TRAFD1: variants seen among roughly 807,000 people sequenced by gnomAD.
The protein encoded by TRAFD1 is TRAF-type zinc finger domain-containing protein 1.
TRAFD1 carries 38 observed loss-of-function variants against 65.3 expected under a neutral mutation model. The observed-to-expected ratio is 0.58, with a 90% CI of 0.45 to 0.76. The LOEUF is 0.76. Among genes scored for constraint, TRAFD1 ranks in the 30% least tolerant of loss-of-function variants. The pLI, the probability that TRAFD1 is intolerant of heterozygous loss-of-function variation, is 0.00. For missense variants in TRAFD1, 631 were observed against 712.6 expected, an observed-to-expected ratio of 0.89 and a Z score of 1.30; for synonymous variants, 223 against 257.2, an observed-to-expected ratio of 0.87 and a Z score of 1.27.
At chr12:112,133,188 G>T (rs1490169750) in intron 2 of TRAFD1, 1 of 152,190 alleles carries the variant, frequency 6.6e-6, no homozygotes, top group Non-Finnish European at 1.5e-5. Flanking sequence ...AGGCAAAAAT[G>T]AAGTGGAGAG....
At chr12:112,135,522 C>T (rs1487004720) in intron 4 of TRAFD1, among the ~76,000 whole-genome samples, 1 of 151,650 alleles carries the variant, frequency 6.6e-6, no homozygotes, top group African/African-American at 2.4e-5. Context: ...CAACCTCTGC[C>T]TCCCAGGTTC....
chr12:112,128,386 C>T (rs1472772764), intron 1 of TRAFD1, among the ~76,000 whole-genome samples: 5 of 152,274 alleles, frequency 3.3e-5, no homozygotes, highest in African/African-American at 7.2e-5. Context: ...TTGATAATGC[C>T]AAAACCTTTA....
In TRAFD1 at chr12:112,152,981, G is replaced by A. The variant is rs879129930; in HGVS notation, c.*190G>A. Reference sequence around the variant, plus strand: ...TTTGGGTTTGAGGGAAGGGAGCAGGGTGGCGGTTGAGGAACGCTTCAGCCT... The same window carrying A: ...TTTGGGTTTGAGGGAAGGGAGCAGGATGGCGGTTGAGGAACGCTTCAGCCT... On this transcript the variant is annotated 3_prime_UTR_variant, in exon 12 of 12. Transcript: ENST00000412615. The surrounding 1 kb of genome is among the most constrained non-coding windows in gnomAD (Gnocchi z 5.0). 58 of 603,812 alleles carry A rather than the reference G, an allele frequency of 9.6e-5. 1 individual carries two copies. The South Asian group carries it at 1.3e-3, about 13-fold the overall frequency. The allele number at this position is 603,812 out of a possible 1,614,324, so 37.4% of individuals were successfully genotyped here.
At chr12:112,147,320 A>G (rs982713786) in intron 7 of TRAFD1, among the ~76,000 whole-genome samples, 1 of 152,078 alleles carries the variant, frequency 6.6e-6, no homozygotes, top group African/African-American at 2.4e-5. Flanking sequence ...TTGTTCCCTC[A>G]ATACTCTGAT....
In TRAFD1 at chr12:112,152,307, G is replaced by A. The variant is rs1018948347; in HGVS notation, c.1620-120G>A. 1 of 1,453,708 alleles carries A rather than the reference G, an allele frequency of 6.9e-7. No individual in the cohort carries two copies. The highest frequency in any genetic ancestry group is 9.4e-7 in the Non-Finnish European group (1 of 1,068,188). The allele number at this position is 1,453,708 out of a possible 1,614,324, so 90.1% of individuals were successfully genotyped here. ...CACCTGACTCCAAAAAAATTATTTT[G>A]TGGCCTATGGGTTTTTTGGGGTTTG... On this transcript the variant is annotated intron_variant, in intron 10 of 11. Transcript: ENST00000412615. The surrounding 1 kb of genome is among the most constrained non-coding windows in gnomAD (Gnocchi z 5.0).
At chr12:112,145,538 A>G (rs747154255) in intron 6 of TRAFD1, 48 bp from the exon 7 acceptor site, 34 of 1,588,406 alleles carry the variant, frequency 2.1e-5, no homozygotes, top group Admixed American at 1.2e-4. Context: ...GTTAAATTCA[A>G]GTTTGTTTTT....
Position 112,148,185 on chromosome 12 carries a change from A to G in TRAFD1, c.1039A>G (p.Ser347Gly), listed in dbSNP as rs1566051438. ...IFQNFLQQAA[S>G]NQLDSLMGLS... is the part of the protein sequence containing the mutation. ...CCAGAACTTCTTGCAACAGGCTGCA[A>G]GTAACCAGTTAGACTCTTTGATGGG... The change falls in exon 8 of 12, where the codon AGT (serine) becomes GGT (glycine). Residue 347 changes from serine (S) to glycine (G), a missense_variant. Physicochemically the swap from Ser to Gly is moderately conservative, Grantham distance 56. Coordinates refer to ENST00000412615, the MANE Select transcript of TRAFD1 (RefSeq NM_006700.3). 1.2e-6 allele frequency: 2 copies of G among 1,614,098 alleles called. No individual in the cohort carries two copies. The highest frequency in any genetic ancestry group is 1.7e-6 in the Non-Finnish European group (2 of 1,180,038).
In TRAFD1 at chr12:112,141,157, T is replaced by G. The variant is rs767312226; in HGVS notation, c.576T>G (p.Asp192Glu). The change falls in exon 5 of 12, where the codon GAT (aspartate) becomes GAG (glutamate). Residue 192 changes from aspartate (D) to glutamate (E), a missense_variant. Asp to Glu is a conservative substitution (Grantham distance 45, BLOSUM62 2). Coordinates refer to ENST00000412615, the MANE Select transcript of TRAFD1 (RefSeq NM_006700.3). ...GGCCCCTGAGAGCCTTTGAATCAGA[T>G]GTTTTCCACAATAGAACTACCAACC... ...PRRPLRAFES[D>E]VFHNRTTNQR... 1.9e-6 allele frequency: 3 copies of G among 1,614,188 alleles called. No homozygotes were observed. The highest frequency in any genetic ancestry group is 1.7e-5 in the Admixed American group (1 of 60,010).
At chr12:112,129,762 C>T (rs1471885315) in intron 1 of TRAFD1, among the ~76,000 whole-genome samples, 1 of 151,904 alleles carries the variant, frequency 6.6e-6, no homozygotes, top group Non-Finnish European at 1.5e-5. Flanking sequence ...CCTGCCTCAG[C>T]CTCGCGAGTA....
intron 6 of TRAFD1, among the ~76,000 whole-genome samples, chr12:112,142,871 T>G (rs1174591965): frequency 6.6e-6 from 1 of 152,098 alleles, no homozygotes; most frequent in African/African-American, 2.4e-5. Flanking sequence ...TTAAGCTTTG[T>G]GAATATAGAT....
At chr12:112,147,735 G>A (rs1231336965) in intron 7 of TRAFD1, among the ~76,000 whole-genome samples, 2 of 150,584 alleles carry the variant, frequency 1.3e-5, no homozygotes, top group African/African-American at 2.5e-5. Flanking sequence ...GCAGTGGTGC[G>A]ATCTCGGCTC....
At chr12:112,134,311 GTT>G (rs1197105787) in intron 2 of TRAFD1, among the ~76,000 whole-genome samples, 14 of 124,064 alleles carry the variant, frequency 1.1e-4, no homozygotes, top group African/African-American at 8.9e-5. Flanking sequence ...CGCCCGGCCA[GTT>G]TTTTTTTTTT....
At chr12:112,143,806 C>T (rs904882327) in intron 6 of TRAFD1, among the ~76,000 whole-genome samples, 1 of 147,092 alleles carries the variant, frequency 6.8e-6, no homozygotes, top group South Asian at 2.1e-4. Context: ...GATCGCGGCT[C>T]ACTGCAGCCT....
Position 112,152,364 on chromosome 12 carries a change from CTGAG to C in TRAFD1, c.1620-61_1620-58del. On this transcript the variant is annotated intron_variant, in intron 10 of 11. Transcript: ENST00000412615. This position sits in a 1 kb window ranked among gnomAD's most constrained non-coding sequence, Gnocchi z 5.0. The stretch of plus-strand genomic sequence containing the variant: ...AGCATAGGACTGCTTCCTGTTCCCT[CTGAG>C]TTTGTTGACCTTTGCTCAGGGACAC... 8.2e-6 allele frequency: 13 copies of C among 1,594,872 alleles called. No individual in the cohort carries two copies. In the South Asian group the frequency reaches 1.1e-4, roughly 14 times the overall value.
At chr12:112,142,016 T>C in intron 5 of TRAFD1, 73 bp from the exon 6 acceptor site, 1 of 1,527,856 alleles carries the variant, frequency 6.5e-7, no homozygotes, top group East Asian at 2.3e-5. Flanking sequence ...GACTATTTGC[T>C]AGGCATGGAC....
intron 7 of TRAFD1, 115 bp from the exon 8 acceptor site, chr12:112,147,959 G>A (rs540252787): frequency 5.3e-5 from 52 of 976,816 alleles, no homozygotes; most frequent in African/African-American, 2.5e-4. Context: ...GTGAGCCACC[G>A]CGCCCGGCCA....
intron 9 of TRAFD1, among the ~76,000 whole-genome samples, chr12:112,150,862 C>T (rs189278855): frequency 1.3e-5 from 2 of 152,182 alleles, no homozygotes; most frequent in Admixed American, 6.5e-5. Flanking sequence ...CACACCCAGC[C>T]TCAAACTTAT....
chr12:112,142,402 T>TAC, intron 6 of TRAFD1, 107 bp downstream of exon 6: 1 of 1,332,268 alleles, frequency 7.5e-7, no homozygotes, highest in Non-Finnish European at 1.0e-6. Context: ...GAATTTGCCT[T>TAC]ACTCTTTTTT....
rs1199664208 is a variant in TRAFD1, at chr12:112,151,909, A to G, written c.1388A>G (p.Asn463Ser). Residue 463 changes from asparagine to serine, a missense_variant, in exon 10 of 12, where the codon AAC (asparagine) becomes AGC (serine). Asn to Ser is a conservative substitution (Grantham distance 46). Transcript: ENST00000412615. Reference protein sequence around the residue: ...RPINNMTATYNQLSRSTSGPR... With the variant: ...RPINNMTATYSQLSRSTSGPR... Reference sequence around the variant, plus strand: ...ATTAACAATATGACAGCTACCTATAACCAGCTATCGAGATCAACATCAGGC... The same window carrying G: ...ATTAACAATATGACAGCTACCTATAGCCAGCTATCGAGATCAACATCAGGC... 6.2e-7 allele frequency: 1 copy of G among 1,613,996 alleles called. No individual in the cohort carries two copies. The highest frequency in any genetic ancestry group is 8.5e-7 in the Non-Finnish European group (1 of 1,180,032).
Sources: allele counts gnomAD v4.1 joint callset (sites outside exome capture counted in the v4.1 genomes callset), GRCh38; gene constraint gnomAD v4.1.1; non-coding constraint Gnocchi (gnomAD v3.1); transcripts MANE v1.5; gene names NCBI Gene and HGNC (gene_info 2026-07-23, HGNC 2026-07-21).